B3GALT1: variants seen among roughly 807,000 people sequenced by gnomAD.
B3GALT1 encodes UDP-Gal:betaGlcNAc beta 1,3-galactosyltransferase, polypeptide 1.
Under a neutral mutation model 23.2 loss-of-function variants are expected in B3GALT1, and 10 were observed. That is an observed-to-expected ratio of 0.43 (90% confidence interval 0.27 to 0.73). The LOEUF (loss-of-function observed/expected upper bound fraction) is 0.73. Among genes scored for constraint, B3GALT1 ranks in the 30% least tolerant of loss-of-function variants. B3GALT1 has a pLI of 0.21. For synonymous variants in B3GALT1, 156 were observed against 141.5 expected (o/e 1.10, Z -0.73); for missense variants, 299 against 405.4 (o/e 0.74, Z 2.25).
chr2:167,514,263 C>G (rs1002483974), intron 2 of B3GALT1, among the ~76,000 whole-genome samples: 37 of 152,120 alleles, frequency 2.4e-4, no homozygotes, highest in South Asian at 6.2e-4. Context: ...TTACAAGGTA[C>G]TTTTTAAGAC....
In B3GALT1 at chr2:167,416,038, T is replaced by C. The variant is rs867152161; in HGVS notation, c.-510-74139T>C. The stretch of plus-strand genomic sequence containing the variant: ...ATTTGGAAAACTCTCGGCCTGGCCA[T>C]GTAAGAAGTGAAAAAGCTTGTTCAA... On this transcript the variant is annotated intron_variant, in intron 1 of 4. Coordinates refer to ENST00000392690, the MANE Select transcript of B3GALT1 (RefSeq NM_020981.4). Among the ~76,000 whole-genome samples the C allele has an allele frequency of 3.3e-5, 5 of 151,978 alleles. No homozygotes were observed. In the South Asian group the frequency reaches 8.3e-4, roughly 25 times the overall value.
chr2:167,462,071 A>T (rs1699266399), intron 1 of B3GALT1, among the ~76,000 whole-genome samples: 1 of 152,214 alleles, frequency 6.6e-6, no homozygotes, highest in Non-Finnish European at 1.5e-5. Flanking sequence ...TTTGGGCAAG[A>T]TGCACAATAC....
intron 1 of B3GALT1, among the ~76,000 whole-genome samples, chr2:167,450,147 A>T (rs1056996339): frequency 6.6e-5 from 10 of 152,136 alleles, no homozygotes; most frequent in Non-Finnish European, 1.2e-4. Context: ...ATTTTGTGGA[A>T]TAGTGTCAAT....
chr2:167,524,631 C>A (rs1683190603), intron 2 of B3GALT1, among the ~76,000 whole-genome samples: 2 of 152,272 alleles, frequency 1.3e-5, no homozygotes, highest in East Asian at 3.9e-4. Flanking sequence ...CATGAACAAT[C>A]TACAAAATTC....
intron 3 of B3GALT1, among the ~76,000 whole-genome samples, chr2:167,774,850 T>C (rs916594237): frequency 2.6e-5 from 4 of 152,180 alleles, no homozygotes; most frequent in African/African-American, 9.7e-5. Flanking sequence ...TTTTCTTAAT[T>C]ACATTAATAA....
chr2:167,670,325 A>C (rs1686301419), intron 3 of B3GALT1, among the ~76,000 whole-genome samples: 2 of 152,190 alleles, frequency 1.3e-5, no homozygotes, highest in East Asian at 3.9e-4. Flanking sequence ...TCCAAAGAGG[A>C]AAAAGGAGAG....
At chr2:167,824,279 A>G (rs1689166574) in intron 4 of B3GALT1, among the ~76,000 whole-genome samples, 1 of 152,258 alleles carries the variant, frequency 6.6e-6, no homozygotes, top group Non-Finnish European at 1.5e-5. Context: ...AATGGCACAG[A>G]ATGATAGGAT....
chr2:167,717,290 A>G (rs1471336758), intron 3 of B3GALT1, among the ~76,000 whole-genome samples: 3 of 133,360 alleles, frequency 2.2e-5, no homozygotes, highest in Non-Finnish European at 3.5e-5. Flanking sequence ...TGGATTATCT[A>G]TGAGTTTTTT....
intron 1 of B3GALT1, among the ~76,000 whole-genome samples, chr2:167,432,852 A>C (rs370053795): frequency 6.6e-6 from 1 of 152,340 alleles, no homozygotes; most frequent in Non-Finnish European, 1.5e-5. Flanking sequence ...CCACACATGC[A>C]TAGATAACCT....
intron 3 of B3GALT1, among the ~76,000 whole-genome samples, chr2:167,753,155 G>C (rs1248240761): frequency 6.6e-6 from 1 of 152,166 alleles, no homozygotes; most frequent in Non-Finnish European, 1.5e-5. Context: ...ATACACCTGA[G>C]TTTGAAATTT....
At chr2:167,619,502 A>G (rs1206095036) in intron 2 of B3GALT1, among the ~76,000 whole-genome samples, 1 of 152,046 alleles carries the variant, frequency 6.6e-6, no homozygotes, top group Non-Finnish European at 1.5e-5. Flanking sequence ...TTGAGAGAAC[A>G]CTTCTGTATC....
chr2:167,837,325 G>A (rs996123303), intron 4 of B3GALT1, among the ~76,000 whole-genome samples: 6 of 151,924 alleles, frequency 3.9e-5, no homozygotes, highest in Admixed American at 1.3e-4. Flanking sequence ...ACAAAAGGAT[G>A]GAGGAAGATC....
intron 3 of B3GALT1, among the ~76,000 whole-genome samples, chr2:167,791,375 T>C (rs1246701943): frequency 1.3e-5 from 2 of 152,176 alleles, no homozygotes; most frequent in Non-Finnish European, 2.9e-5. Context: ...TCTTTAGATA[T>C]GGAAGGAAAT....
chr2:167,597,995 G>A (rs1684809703), intron 2 of B3GALT1, among the ~76,000 whole-genome samples: 1 of 152,040 alleles, frequency 6.6e-6, no homozygotes, highest in Non-Finnish European at 1.5e-5. Flanking sequence ...CTAAAGAAAT[G>A]GAAAGTCATT....
At chr2:167,415,494 G>C (rs901427609) in intron 1 of B3GALT1, among the ~76,000 whole-genome samples, 10 of 152,198 alleles carry the variant, frequency 6.6e-5, no homozygotes, top group African/African-American at 1.7e-4. Context: ...AATTGGTACT[G>C]AGAAGTGGCA....
intron 2 of B3GALT1, among the ~76,000 whole-genome samples, chr2:167,506,447 C>A (rs942702026): frequency 2.0e-5 from 3 of 152,132 alleles, no homozygotes; most frequent in Admixed American, 6.5e-5. Context: ...AGAAATAGAA[C>A]TTATGGCAAA....
intron 4 of B3GALT1, among the ~76,000 whole-genome samples, chr2:167,866,330 G>C (rs2105439458): frequency 6.6e-6 from 1 of 152,270 alleles, no homozygotes; most frequent in South Asian, 2.1e-4. Context: ...GTGTATTCCA[G>C]TAGCCTCCTA....
chr2:167,792,286 G>A (rs575028927), intron 3 of B3GALT1, among the ~76,000 whole-genome samples: 5 of 152,286 alleles, frequency 3.3e-5, no homozygotes, highest in South Asian at 4.1e-4. Context: ...TACTTGTTAA[G>A]CACCTACTGT....
At chr2:167,862,472 T>G (rs1690120792) in intron 4 of B3GALT1, among the ~76,000 whole-genome samples, 1 of 152,202 alleles carries the variant, frequency 6.6e-6, no homozygotes, top group African/African-American at 2.4e-5. Context: ...TCATTTACAT[T>G]GGTGAGGGCA....
Sources: allele counts gnomAD v4.1 joint callset (sites outside exome capture counted in the v4.1 genomes callset), GRCh38; gene constraint gnomAD v4.1.1; transcripts MANE v1.5; gene names NCBI Gene and HGNC (gene_info 2026-07-23, HGNC 2026-07-21).